ZFAT: variants seen among roughly 807,000 people sequenced by gnomAD.
ZFAT encodes zinc finger protein ZFAT.
In ZFAT, 64 loss-of-function variants were observed where a neutral mutation model predicts 117.7. The ratio of observed to expected loss-of-function variants is 0.54; its 90% CI spans 0.44 to 0.67. The LOEUF (loss-of-function observed/expected upper bound fraction) is 0.67. Among genes scored for constraint, ZFAT ranks in the 30% least tolerant of loss-of-function variants. The probability of loss-of-function intolerance (pLI) is 0.00; values close to 1 mark genes in which losing one functional copy is unlikely to be tolerated. For synonymous variants in ZFAT, 679 were observed against 615.0 expected (o/e 1.10, Z -1.54); for missense variants, 1,433 against 1,584.5 (o/e 0.90, Z 1.62).
chr8:134,541,850 G>A (rs536834644), intron 11 of ZFAT, among the ~76,000 whole-genome samples: 20 of 152,242 alleles, frequency 1.3e-4, no homozygotes, highest in South Asian at 4.2e-4. Flanking sequence ...ATAAAGTATC[G>A]GCTGAGTATC....
chr8:134,691,130 G>A (rs1332003265), intron 1 of ZFAT, among the ~76,000 whole-genome samples: 2 of 152,214 alleles, frequency 1.3e-5, no homozygotes, highest in African/African-American at 2.4e-5. Flanking sequence ...GCATCACTGT[G>A]GTCAGCTGCC....
intron 7 of ZFAT, among the ~76,000 whole-genome samples, chr8:134,595,092 G>C (rs1280411597): frequency 6.6e-6 from 1 of 152,134 alleles, no homozygotes; most frequent in Non-Finnish European, 1.5e-5. Context: ...TGAATTATGT[G>C]ATTTAGGCCA....
the ZFAT span, among the ~76,000 whole-genome samples, chr8:134,739,984 C>A: frequency 1.3e-5 from 2 of 152,204 alleles, no homozygotes; most frequent in African/African-American, 4.8e-5. Flanking sequence ...GGAGATAACT[C>A]CAAGGTGAGT....
the ZFAT span, among the ~76,000 whole-genome samples, chr8:134,761,726 T>G: frequency 6.6e-6 from 1 of 151,876 alleles, no homozygotes; most frequent in African/African-American, 2.4e-5. Flanking sequence ...TAAAATAAAT[T>G]AATTAATCAC....
chr8:134,775,814 C>T, the ZFAT span, among the ~76,000 whole-genome samples: 1 of 152,172 alleles, frequency 6.6e-6, no homozygotes, highest in African/African-American at 2.4e-5. Flanking sequence ...GAAAACCCCA[C>T]TATTATTTCC....
chr8:134,743,381 C>T, the ZFAT span, among the ~76,000 whole-genome samples: 6 of 152,046 alleles, frequency 3.9e-5, no homozygotes, highest in Admixed American at 1.3e-4. Flanking sequence ...ACCAGCTACT[C>T]GGGAGGCTGA....
At chr8:134,680,586 G>A (rs1833028721) in intron 1 of ZFAT, among the ~76,000 whole-genome samples, 1 of 152,152 alleles carries the variant, frequency 6.6e-6, no homozygotes, top group Admixed American at 6.6e-5. Flanking sequence ...CATCTTGACT[G>A]CAGGAGTAAT....
intron 10 of ZFAT, among the ~76,000 whole-genome samples, chr8:134,580,029 G>A (rs1196496375): frequency 6.6e-6 from 1 of 151,666 alleles, no homozygotes; most frequent in African/African-American, 2.4e-5. Context: ...AGAAAGCTAA[G>A]GCAGAACCAG....
intron 3 of ZFAT, among the ~76,000 whole-genome samples, chr8:134,630,351 T>C (rs889017342): frequency 6.6e-6 from 1 of 152,180 alleles, no homozygotes; most frequent in Non-Finnish European, 1.5e-5. Context: ...CAGAAACACA[T>C]TTTCACCTGC....
intron 10 of ZFAT, among the ~76,000 whole-genome samples, chr8:134,579,954 A>ATC (rs1283365981): frequency 5.6e-5 from 6 of 106,602 alleles, no homozygotes; most frequent in African/African-American, 2.4e-4. Flanking sequence ...TGACACAGGG[A>ATC]ACAAAAAAAA....
At chr8:134,613,399 C>T (rs1828485007) in intron 3 of ZFAT, among the ~76,000 whole-genome samples, 1 of 152,206 alleles carries the variant, frequency 6.6e-6, no homozygotes, top group African/African-American at 2.4e-5. Context: ...ATGTTAGGAA[C>T]ACACTGCAGA....
At chr8:134,569,612 G>A (rs909334104) in intron 10 of ZFAT, among the ~76,000 whole-genome samples, 1 of 152,056 alleles carries the variant, frequency 6.6e-6, no homozygotes, top group Non-Finnish European at 1.5e-5. Flanking sequence ...CTACTCAGAG[G>A]CCCCATTAGA....
the ZFAT span, among the ~76,000 whole-genome samples, chr8:134,719,024 C>T: frequency 0.011 from 1,743 of 152,222 alleles, 14 homozygotes; most frequent in Non-Finnish European, 0.018. Context: ...AGCACACTGT[C>T]GCTTGTGAAC....
chr8:134,582,111 T>C (rs960572795), intron 10 of ZFAT, among the ~76,000 whole-genome samples: 2 of 152,266 alleles, frequency 1.3e-5, no homozygotes, highest in African/African-American at 4.8e-5. Flanking sequence ...CTGAACTCCC[T>C]TTCCTGCCGA....
At chr8:134,730,232 C>G in the ZFAT span, among the ~76,000 whole-genome samples, 2 of 152,236 alleles carry the variant, frequency 1.3e-5, no homozygotes, top group African/African-American at 4.8e-5. Context: ...CCCAATGCCC[C>G]CAGTGACAAG....
chr8:134,829,435 A>G, the ZFAT span, among the ~76,000 whole-genome samples: 3 of 152,240 alleles, frequency 2.0e-5, no homozygotes, highest in Admixed American at 1.3e-4. Flanking sequence ...TAGGTGGCAT[A>G]TAAGTGGAAC....
chr8:134,608,146 TA>T (rs141048229), intron 5 of ZFAT, among the ~76,000 whole-genome samples: 1 of 152,096 alleles, frequency 6.6e-6, no homozygotes, highest in Non-Finnish European at 1.5e-5. Context: ...AGTAAGCTTT[TA>T]AAAAAAAGTT....
chr8:134,697,600 G>A (rs1164947437), intron 1 of ZFAT, among the ~76,000 whole-genome samples: 3 of 151,112 alleles, frequency 2.0e-5, no homozygotes, highest in South Asian at 2.1e-4. Context: ...GGTAGCGGGC[G>A]CCTGTAGTCC....
intron 10 of ZFAT, among the ~76,000 whole-genome samples, chr8:134,580,833 A>G (rs529986985): frequency 6.6e-6 from 1 of 152,336 alleles, no homozygotes; most frequent in South Asian, 2.1e-4. Flanking sequence ...AGAATATTAA[A>G]TTTCATAAAT....
Sources: allele counts gnomAD v4.1 joint callset (sites outside exome capture counted in the v4.1 genomes callset), GRCh38; gene constraint gnomAD v4.1.1; transcripts MANE v1.5; gene names NCBI Gene and HGNC (gene_info 2026-07-23, HGNC 2026-07-21).